Variants in CAPZA2 observed in about 807,000 individuals in gnomAD.
The protein encoded by CAPZA2 is F-actin-capping protein subunit alpha-2.
CAPZA2 carries 13 observed loss-of-function variants against 44.0 expected under a neutral mutation model. The observed-to-expected ratio is 0.30, with a 90% CI of 0.19 to 0.47. The LOEUF is 0.47. Ranked by LOEUF, CAPZA2 falls within the 20% of genes least tolerant of loss-of-function variation. CAPZA2 has a pLI of 1.00. For missense variants in CAPZA2, 244 were observed against 338.6 expected, an observed-to-expected ratio of 0.72 and a Z score of 2.19; for synonymous variants, 94 against 108.2, an observed-to-expected ratio of 0.87 and a Z score of 0.81.
chr7:116,908,596 A>G (rs1475202289), intron 6 of CAPZA2, among the ~76,000 whole-genome samples: 1 of 152,212 alleles, frequency 6.6e-6, no homozygotes, highest in African/African-American at 2.4e-5. Flanking sequence ...GAATCTTTTG[A>G]AATAGTTCTC....
intron 3 of CAPZA2, among the ~76,000 whole-genome samples, chr7:116,894,772 C>T (rs1446572657): frequency 6.6e-6 from 1 of 152,108 alleles, no homozygotes; most frequent in Non-Finnish European, 1.5e-5. Context: ...TGTGACTGGT[C>T]TATTTTACTT....
At chr7:116,871,229 G>C (rs552831611) in intron 1 of CAPZA2, among the ~76,000 whole-genome samples, 1 of 152,158 alleles carries the variant, frequency 6.6e-6, no homozygotes, top group African/African-American at 2.4e-5. Context: ...CCTTGAGGTC[G>C]AAGTGTTACC....
intron 1 of CAPZA2, among the ~76,000 whole-genome samples, chr7:116,872,088 G>A (rs1043710124): frequency 2.0e-5 from 3 of 152,096 alleles, no homozygotes; most frequent in Non-Finnish European, 4.4e-5. Context: ...CTCAATAAAT[G>A]TTGACTAAAG....
intron 1 of CAPZA2, among the ~76,000 whole-genome samples, chr7:116,864,206 A>G (rs996651664): frequency 2.0e-5 from 3 of 152,290 alleles, no homozygotes; most frequent in East Asian, 1.9e-4. Context: ...TTTTTATTCT[A>G]CCATTCTTAA....
At chr7:116,866,769 G>T (rs1796489250) in intron 1 of CAPZA2, among the ~76,000 whole-genome samples, 1 of 152,152 alleles carries the variant, frequency 6.6e-6, no homozygotes, top group Non-Finnish European at 1.5e-5. Context: ...CTTTGCAGTT[G>T]TCTCCCAGGT....
intron 1 of CAPZA2, among the ~76,000 whole-genome samples, chr7:116,867,628 G>C (rs1436646677): frequency 1.4e-5 from 2 of 147,900 alleles, no homozygotes; most frequent in South Asian, 2.1e-4. Flanking sequence ...CTGTCACCCA[G>C]GCTGCAGTGC....
chr7:116,892,142 A>G (rs1430269331), intron 2 of CAPZA2, among the ~76,000 whole-genome samples: 1 of 152,144 alleles, frequency 6.6e-6, no homozygotes, highest in African/African-American at 2.4e-5. Context: ...ATTATTTTTC[A>G]TGGCTGCCTA....
At chr7:116,887,677 C>A (rs1796780080) in intron 1 of CAPZA2, among the ~76,000 whole-genome samples, 1 of 152,032 alleles carries the variant, frequency 6.6e-6, no homozygotes, top group Non-Finnish European at 1.5e-5. Context: ...ACTAAAAATA[C>A]AAAAAATTAG....
chr7:116,893,150 A>G (rs12706110), intron 3 of CAPZA2, 105 bp downstream of exon 3: 158,209 of 654,272 alleles, frequency 0.24, 19,922 homozygotes, highest in East Asian at 0.39. Context: ...TTTTGTTTTG[A>G]GATGGAGTCT....
chr7:116,908,564 G>A lies in CAPZA2; in HGVS notation c.507-1669G>A, dbSNP rs576551186. On this transcript the variant is annotated intron_variant, in intron 6 of 9. Transcript: ENST00000361183. ...CTACTCAGTGTCATTTACTGTTACTGTAGTAATTAATGCCTTTGGAAGAAT... is the reference window on the plus strand; with the variant it reads ...CTACTCAGTGTCATTTACTGTTACTATAGTAATTAATGCCTTTGGAAGAAT... 7.2e-5 allele frequency among the ~76,000 whole-genome samples: 11 copies of A among 152,306 alleles called. No homozygotes were observed. In the South Asian group the frequency reaches 2.3e-3, roughly 32 times the overall value.
At chr7:116,890,734 C>T (rs756502682) in intron 2 of CAPZA2, among the ~76,000 whole-genome samples, 1 of 127,504 alleles carries the variant, frequency 7.8e-6, no homozygotes, top group African/African-American at 3.0e-5. Flanking sequence ...GTCAAGATCG[C>T]GCCACTGCAC....
intron 1 of CAPZA2, chr7:116,873,971 A>G (rs1796587103): frequency 6.5e-6 from 1 of 152,986 alleles, no homozygotes. Context: ...TCTTTCCCTG[A>G]TAAGTTTTTC....
Position 116,867,553 on chromosome 7 carries a change from G to A in CAPZA2, c.39+4903G>A, listed in dbSNP as rs563951334. 1.8e-3 allele frequency among the ~76,000 whole-genome samples: 276 copies of A among 150,936 alleles called. 1 individual carries two copies. The highest frequency in any genetic ancestry group is 3.8e-3 in the Admixed American group (58 of 15,130). On this transcript the variant is annotated intron_variant, in intron 1 of 9. Coordinates refer to ENST00000361183, the MANE Select transcript of CAPZA2 (RefSeq NM_006136.3). ...GTGCTGTGAATTTAGAGAGACTTCA[G>A]AGAGCTGCATACTAGTCCATTTCTC...
intron 1 of CAPZA2, among the ~76,000 whole-genome samples, chr7:116,887,130 GTTCTTCA>G (rs1156291962): frequency 4.6e-5 from 7 of 151,820 alleles, no homozygotes; most frequent in African/African-American, 1.7e-4. Context: ...GTATGTCATT[GTTCTTCA>G]TTTTATTTAT....
intron 4 of CAPZA2, among the ~76,000 whole-genome samples, chr7:116,899,632 AATTT>A (rs1227135949): frequency 7.0e-6 from 1 of 142,510 alleles, no homozygotes; most frequent in Non-Finnish European, 1.5e-5. Flanking sequence ...TAATCTGCAA[AATTT>A]ATTTTATCTC....
chr7:116,904,543 G>A (rs1791460897), intron 5 of CAPZA2, 160 bp downstream of exon 5: 2 of 576,586 alleles, frequency 3.5e-6, no homozygotes, highest in Non-Finnish European at 3.1e-6. Context: ...AAGAAATTCT[G>A]GATAATAAAT....
intron 4 of CAPZA2, among the ~76,000 whole-genome samples, chr7:116,900,276 T>A (rs1247299425): frequency 2.6e-5 from 4 of 151,910 alleles, no homozygotes; most frequent in Non-Finnish European, 5.9e-5. Flanking sequence ...TTATCATTTA[T>A]CATAAATGGA....
At chr7:116,868,834 TTA>T (rs796855512) in intron 1 of CAPZA2, among the ~76,000 whole-genome samples, 21 of 152,370 alleles carry the variant, frequency 1.4e-4, no homozygotes, top group African/African-American at 4.8e-4. Context: ...TATAGATAAA[TTA>T]TGTTATTTCA....
At chr7:116,913,769 A>ATTTTT (rs10717939) in intron 8 of CAPZA2, among the ~76,000 whole-genome samples, 2 of 87,708 alleles carry the variant, frequency 2.3e-5, no homozygotes, top group African/African-American at 4.4e-5. Flanking sequence ...CACCCAGCTA[A>ATTTTT]TTTTTTTTTT....
Sources: allele counts gnomAD v4.1 joint callset (sites outside exome capture counted in the v4.1 genomes callset), GRCh38; gene constraint gnomAD v4.1.1; transcripts MANE v1.5; gene names NCBI Gene and HGNC (gene_info 2026-07-23, HGNC 2026-07-21).